Variants in RPIA observed in about 807,000 individuals in gnomAD.
RPIA encodes the protein ribose-5-phosphate isomerase.
Under a neutral mutation model 37.8 loss-of-function variants are expected in RPIA, and 29 were observed. The ratio of observed to expected loss-of-function variants is 0.77; its 90% CI spans 0.57 to 1.05. The LOEUF (loss-of-function observed/expected upper bound fraction) is 1.05. Among genes scored for constraint, RPIA ranks in the 50% least tolerant of loss-of-function variants. The pLI is 0.00. For missense variants in RPIA, 385 were observed against 413.6 expected (o/e 0.93, Z 0.60); for synonymous variants, 167 against 157.0 (o/e 1.06, Z -0.48).
intron 8 of RPIA, among the ~76,000 whole-genome samples, chr2:88,739,432 T>C (rs1245548948): frequency 6.6e-6 from 1 of 152,172 alleles, no homozygotes; most frequent in Non-Finnish European, 1.5e-5. Context: ...GTGGATTAAA[T>C]GAGTTAAAAC....
chr2:88,747,537 C>A (rs1673453595), intron 8 of RPIA, among the ~76,000 whole-genome samples: 1 of 152,212 alleles, frequency 6.6e-6, no homozygotes, highest in Admixed American at 6.5e-5. Flanking sequence ...CCTGTGGCCC[C>A]TCCCCAGTTC....
intron 3 of RPIA, among the ~76,000 whole-genome samples, chr2:88,706,652 C>T (rs965442765): frequency 2.6e-5 from 4 of 151,314 alleles, no homozygotes; most frequent in Non-Finnish European, 5.9e-5. Context: ...ACCACCATGG[C>T]ACACATTTAC....
chr2:88,735,971 C>T (rs540753827), intron 6 of RPIA, among the ~76,000 whole-genome samples: 2 of 152,320 alleles, frequency 1.3e-5, no homozygotes, highest in Admixed American at 1.3e-4. Flanking sequence ...AGCATCGTTT[C>T]ATGTGTTCAG....
chr2:88,720,196 A>G (rs1021761503), intron 3 of RPIA, among the ~76,000 whole-genome samples: 5 of 152,204 alleles, frequency 3.3e-5, no homozygotes, highest in Admixed American at 3.3e-4. Flanking sequence ...CTTCAAAAGC[A>G]CATACAAAAA....
intron 8 of RPIA, among the ~76,000 whole-genome samples, 170 bp from the exon 9 acceptor site, chr2:88,749,811 A>G (rs1673481643): frequency 6.6e-6 from 1 of 152,212 alleles, no homozygotes; most frequent in Non-Finnish European, 1.5e-5. Flanking sequence ...GCAAGAAGAA[A>G]TTAAGATAAT....
chr2:88,721,979 T>G (rs547116040), intron 3 of RPIA, among the ~76,000 whole-genome samples: 1,537 of 132,796 alleles, frequency 0.012, 8 homozygotes, highest in Non-Finnish European at 0.019. Flanking sequence ...TATAAAAGTT[T>G]TTTTTTTTTT....
chr2:88,735,816 G>A (rs1439448230), intron 6 of RPIA, 79 bp downstream of exon 6: 1 of 1,369,440 alleles, frequency 7.3e-7, no homozygotes, highest in East Asian at 2.3e-5. Context: ...TTGTGAAAGA[G>A]GAAATGGAGA....
intron 3 of RPIA, among the ~76,000 whole-genome samples, chr2:88,710,596 A>G (rs112008468): frequency 0.069 from 10,452 of 152,258 alleles, 446 homozygotes; most frequent in Non-Finnish European, 0.094. Flanking sequence ...AAATAATTCA[A>G]TTTTGGGGTC....
At position 88,736,524 on chromosome 2, in the gene RPIA, C is replaced by G. The variant is rs763156864; in HGVS notation, c.597-11C>G. On this transcript the variant is annotated splice_polypyrimidine_tract_variant and intron_variant, in intron 6 of 8. Transcript: ENST00000283646. ...TTACTTTTATTGTACTTTCTGACTCCTTCTTTCCAGGAAAGATTCGAAGAA... is the reference window on the plus strand; with the variant it reads ...TTACTTTTATTGTACTTTCTGACTCGTTCTTTCCAGGAAAGATTCGAAGAA... 2 of 1,613,962 alleles carry G rather than the reference C, an allele frequency of 1.2e-6. No homozygotes were observed. The highest frequency in any genetic ancestry group is 1.3e-5 in the African/African-American group (1 of 74,898).
chr2:88,699,847 A>C (rs906880021), intron 2 of RPIA, among the ~76,000 whole-genome samples, 162 bp from the exon 3 acceptor site: 4 of 152,214 alleles, frequency 2.6e-5, no homozygotes, highest in Non-Finnish European at 5.9e-5. Flanking sequence ...TGTGTGAGGT[A>C]CAGTCACCAA....
rs1359283203 is a variant in RPIA, at chr2:88,736,660, T to A, written c.722T>A (p.Met241Lys). 1 of 1,613,678 alleles carries A rather than the reference T, an allele frequency of 6.2e-7. No homozygotes were observed. Among genetic ancestry groups the A allele is most frequent in the East Asian group, 2.2e-5 (1 of 44,854 alleles). Residue 241 changes from methionine (M) to lysine (K), a missense_variant, in exon 7 of 9, where the codon ATG (methionine) becomes AAG (lysine). This residue lies in a region of RPIA where 153 missense variants were observed against 210.6 expected (regional missense o/e 0.73). Transcript: ENST00000283646. ...TTTGGGGGCGTGGTTGAACTTCGAA[T>A]GGCTGTCAACAAGGCTGTGAGTGGC... The part of the protein sequence containing the change: ...QKFGGVVELR[M>K]AVNKAGPVVT...
chr2:88,750,206 A>C lies in RPIA; in HGVS notation c.*128A>C. The C allele has an allele frequency of 1.6e-6, 1 of 612,544 alleles. No homozygotes were observed. The allele number at this position is 612,544 out of a possible 1,614,324, so 37.9% of individuals were successfully genotyped here. A position where few individuals can be genotyped will look rare whatever the true frequency, so the allele number is the denominator to read the frequency against. On this transcript the variant is annotated 3_prime_UTR_variant, in exon 9 of 9. Transcript: ENST00000283646. Reference sequence around the variant, plus strand: ...ACTTGTGGTGGGGGGTGGGGGGAAGAGTGGGAGGGGGAGTTAAATCCAGTC... The same window carrying C: ...ACTTGTGGTGGGGGGTGGGGGGAAGCGTGGGAGGGGGAGTTAAATCCAGTC...
At chr2:88,724,099 C>A (rs1264058510) in intron 3 of RPIA, among the ~76,000 whole-genome samples, 2 of 151,986 alleles carry the variant, frequency 1.3e-5, no homozygotes, top group Non-Finnish European at 2.9e-5. Context: ...GATTTTGGGG[C>A]CTCAAGTTTT....
At chr2:88,726,716 C>T (rs878928838) in intron 3 of RPIA, among the ~76,000 whole-genome samples, 2 of 152,156 alleles carry the variant, frequency 1.3e-5, no homozygotes, top group South Asian at 2.1e-4. Flanking sequence ...ATTTTTAAAA[C>T]GTCCTTATCA....
intron 3 of RPIA, among the ~76,000 whole-genome samples, chr2:88,715,052 G>A (rs985468771): frequency 1.6e-4 from 24 of 152,142 alleles, no homozygotes; most frequent in Non-Finnish European, 2.8e-4. Flanking sequence ...CAATAGGTTC[G>A]TCACTTAATG....
chr2:88,742,544 C>G (rs1057196731), intron 8 of RPIA, among the ~76,000 whole-genome samples: 2 of 152,034 alleles, frequency 1.3e-5, no homozygotes, highest in African/African-American at 4.8e-5. Flanking sequence ...CTTTGCTTTT[C>G]CATATGAATT....
chr2:88,728,711 GCTGA>G (rs2104124257), intron 3 of RPIA, among the ~76,000 whole-genome samples: 1 of 152,316 alleles, frequency 6.6e-6, no homozygotes, highest in East Asian at 1.9e-4. Context: ...CGTCAGTGGT[GCTGA>G]CTTTCTCACA....
intron 6 of RPIA, among the ~76,000 whole-genome samples, chr2:88,735,972 A>G (rs1673310146): frequency 6.6e-6 from 1 of 152,204 alleles, no homozygotes; most frequent in Admixed American, 6.5e-5. Flanking sequence ...GCATCGTTTC[A>G]TGTGTTCAGT....
chr2:88,704,286 A>C lies in RPIA; in HGVS notation c.402+4222A>C, dbSNP rs1264391868. The stretch of plus-strand genomic sequence containing the variant: ...TAGTCTGTTTTCACGCAGCTGATAA[A>C]GACATACCTGAGACTGGGCAATTTA... On this transcript the variant is annotated intron_variant, in intron 3 of 8. Coordinates refer to ENST00000283646, the MANE Select transcript of RPIA (RefSeq NM_144563.3). 5.9e-5 allele frequency among the ~76,000 whole-genome samples: 9 copies of C among 152,322 alleles called. No individual in the cohort carries two copies. In the East Asian group the frequency reaches 1.7e-3, roughly 29 times the overall value.
Sources: gnomAD v4.1 joint callset for allele counts (sites outside exome capture counted in the v4.1 genomes callset) on GRCh38, gnomAD v4.1.1 for gene constraint, gnomAD v4.1.1 regional missense constraint, MANE v1.5 for transcripts, NCBI Gene and HGNC (gene_info 2026-07-23, HGNC 2026-07-21) for gene names.